LIN52: variants seen among roughly 807,000 people sequenced by gnomAD.
LIN52 encodes lin-52 DREAM MuvB core complex component.
Under a neutral mutation model 18.5 loss-of-function variants are expected in LIN52, and 4 were observed. That is an observed-to-expected ratio of 0.22 (90% CI 0.11 to 0.49). The LOEUF (loss-of-function observed/expected upper bound fraction) is 0.49, where lower values mean the gene tolerates loss of function less well. Among genes scored for constraint, LIN52 ranks in the 20% least tolerant of loss-of-function variants. The pLI is 0.97. For missense variants in LIN52, 102 were observed against 139.5 expected (o/e 0.73, Z 1.35); for synonymous variants, 34 against 45.5 (o/e 0.75, Z 1.02).
intron 5 of LIN52, among the ~76,000 whole-genome samples, chr14:74,195,366 G>C (rs564956863): frequency 6.6e-6 from 1 of 152,318 alleles, no homozygotes; most frequent in African/African-American, 2.4e-5. Flanking sequence ...CCATTGTGAA[G>C]AAGAAGGGAC....
At position 74,199,105 on chromosome 14, in the gene LIN52, C is replaced by T. The variant is rs1428127645; in HGVS notation, c.*128C>T. On this transcript the variant is annotated 3_prime_UTR_variant, in exon 6 of 6. Coordinates refer to ENST00000555028, the MANE Select transcript of LIN52 (RefSeq NM_001024674.3). ...GGTGTACCTCCAGGACTGCCCTCTC[C>T]CCTGCTCCTGGCACTCTACACGTCT... 6.1e-6 allele frequency: 4 copies of T among 659,828 alleles called. No homozygotes were observed. Among genetic ancestry groups the T allele is most frequent in the East Asian group, 5.2e-5 (2 of 38,206 alleles). 40.9% of individuals were successfully genotyped at this position (659,828 alleles called of 1,614,324 possible).
chr14:74,125,347 T>C (rs2061023132), intron 5 of LIN52, among the ~76,000 whole-genome samples: 1 of 152,246 alleles, frequency 6.6e-6, no homozygotes, highest in South Asian at 2.1e-4. Flanking sequence ...GGTTTTGATT[T>C]GCATTTCTCT....
intron 5 of LIN52, among the ~76,000 whole-genome samples, chr14:74,150,160 C>T (rs765025147): frequency 4.6e-5 from 7 of 152,044 alleles, no homozygotes; most frequent in Admixed American, 3.9e-4. Context: ...ATGCTATGTA[C>T]CCTAGAAATA....
chr14:74,096,007 C>T (rs1327787615), intron 3 of LIN52, 22 bp downstream of exon 3: 11 of 1,568,588 alleles, frequency 7.0e-6, no homozygotes, highest in Non-Finnish European at 9.6e-6. Context: ...CCCTTACCTA[C>T]TGAGGTCAAT....
At chr14:74,104,262 A>G (rs78093452) in intron 5 of LIN52, among the ~76,000 whole-genome samples, 1 of 152,182 alleles carries the variant, frequency 6.6e-6, no homozygotes, top group East Asian at 1.9e-4. Context: ...TTTTTAACAA[A>G]CTTGTTAAAT....
chr14:74,184,092 A>T (rs1433006470), intron 5 of LIN52, among the ~76,000 whole-genome samples: 2 of 152,134 alleles, frequency 1.3e-5, no homozygotes, highest in Non-Finnish European at 2.9e-5. Flanking sequence ...TTTGTCTGAT[A>T]GGATTCCCCA....
At chr14:74,125,796 C>T (rs1245129465) in intron 5 of LIN52, among the ~76,000 whole-genome samples, 1 of 148,900 alleles carries the variant, frequency 6.7e-6, no homozygotes. Flanking sequence ...GGATAAAAAA[C>T]CAAACACCGC....
At chr14:74,086,892 A>C (rs1157755243) in intron 1 of LIN52, among the ~76,000 whole-genome samples, 1 of 152,166 alleles carries the variant, frequency 6.6e-6, no homozygotes, top group Non-Finnish European at 1.5e-5. Flanking sequence ...ATACCACTGA[A>C]ATGTATACTT....
intron 5 of LIN52, among the ~76,000 whole-genome samples, chr14:74,119,852 T>C (rs1431706190): frequency 6.6e-6 from 1 of 151,856 alleles, no homozygotes; most frequent in Non-Finnish European, 1.5e-5. Flanking sequence ...TTTTTTTTTT[T>C]TAGATGGAGT....
At chr14:74,172,547 T>G (rs1430297070) in intron 5 of LIN52, among the ~76,000 whole-genome samples, 2 of 152,206 alleles carry the variant, frequency 1.3e-5, no homozygotes, top group Non-Finnish European at 2.9e-5. Flanking sequence ...GCTCTAAGTT[T>G]GATCAATGTG....
chr14:74,183,316 G>A (rs1418188526), intron 5 of LIN52, among the ~76,000 whole-genome samples: 1 of 152,024 alleles, frequency 6.6e-6, no homozygotes, highest in Non-Finnish European at 1.5e-5. Flanking sequence ...AGCCAGGATG[G>A]TCTCGATCTC....
intron 5 of LIN52, chr14:74,192,785 T>G (rs2078887314): frequency 4.6e-6 from 1 of 217,028 alleles, no homozygotes; most frequent in Non-Finnish European, 9.3e-6. Flanking sequence ...GAAATGAGGA[T>G]ACAATTGATA....
intron 5 of LIN52, among the ~76,000 whole-genome samples, chr14:74,159,912 C>T (rs2061217111): frequency 6.6e-6 from 1 of 152,156 alleles, no homozygotes; most frequent in South Asian, 2.1e-4. Context: ...ACCTACCATA[C>T]AGCAAGCGTT....
intron 5 of LIN52, among the ~76,000 whole-genome samples, chr14:74,138,326 G>A (rs939995705): frequency 1.3e-5 from 2 of 152,156 alleles, no homozygotes; most frequent in African/African-American, 2.4e-5. Flanking sequence ...GAATGGGAAG[G>A]AATTTTTGAG....
At chr14:74,178,163 T>C (rs2061301774) in intron 5 of LIN52, among the ~76,000 whole-genome samples, 1 of 152,214 alleles carries the variant, frequency 6.6e-6, no homozygotes, top group African/African-American at 2.4e-5. Flanking sequence ...TCTATACACT[T>C]AAAATGCTGA....
rs754903659 is a variant in LIN52 at position 74,095,931 on chromosome 14, T to A, written c.95-17T>A. 1 of 1,582,448 alleles carries A rather than the reference T, an allele frequency of 6.3e-7. No homozygotes were observed. Among genetic ancestry groups the A allele is most frequent in the South Asian group, 1.1e-5 (1 of 88,852 alleles). Reference sequence around the variant, plus strand: ...ATCATACTTATTGAATAAATAAAGTTTTGTTTTTCTTTTTAGTACCAGGTG... The same window carrying A: ...ATCATACTTATTGAATAAATAAAGTATTGTTTTTCTTTTTAGTACCAGGTG... On this transcript the variant is annotated splice_polypyrimidine_tract_variant and intron_variant, in intron 2 of 5. Transcript: ENST00000555028.
rs894617219 is a variant in LIN52 at position 74,201,345 on chromosome 14, T to G, written c.*2368T>G. ...TCTACTGTTTTCCCCCTTAATATAC[T>G]TAATGGATAGTTGGGGGCTTTACAG... On this transcript the variant is annotated 3_prime_UTR_variant, in exon 6 of 6. Coordinates refer to ENST00000555028, the MANE Select transcript of LIN52 (RefSeq NM_001024674.3). The G allele has an allele frequency of 2.4e-4, 37 of 152,194 alleles. No individual in the cohort carries two copies. The highest frequency in any genetic ancestry group is 8.9e-4 in the African/African-American group (37 of 41,450). The allele number at this position is 152,194 out of a possible 1,614,324, so 9.4% of individuals were successfully genotyped here.
intron 5 of LIN52, among the ~76,000 whole-genome samples, chr14:74,136,302 A>T (rs1274963636): frequency 2.6e-5 from 4 of 152,204 alleles, no homozygotes; most frequent in African/African-American, 7.2e-5. Flanking sequence ...ACAGGTTTGG[A>T]CCAAGTTAAG....
At chr14:74,189,257 A>G (rs1182688261) in intron 5 of LIN52, among the ~76,000 whole-genome samples, 4 of 152,208 alleles carry the variant, frequency 2.6e-5, no homozygotes, top group African/African-American at 9.6e-5. Flanking sequence ...TTTGGTCATA[A>G]TAAGTGTTTC....
Sources: allele counts gnomAD v4.1 joint callset (sites outside exome capture counted in the v4.1 genomes callset), GRCh38; gene constraint gnomAD v4.1.1; transcripts MANE v1.5; gene names NCBI Gene and HGNC (gene_info 2026-07-23, HGNC 2026-07-21).